TMEM8B: variants seen among roughly 807,000 people sequenced by gnomAD.
TMEM8B encodes nasopharyngeal carcinoma expressed 6.
A neutral mutation model predicts 49.3 loss-of-function variants in TMEM8B; 29 were observed. The ratio of observed to expected loss-of-function variants is 0.59; its 90% CI spans 0.44 to 0.80. The LOEUF (loss-of-function observed/expected upper bound fraction) is 0.80, where lower values mean the gene tolerates loss of function less well. Among genes scored for constraint, TMEM8B ranks in the 30% least tolerant of loss-of-function variants. The probability of loss-of-function intolerance (pLI) is 0.00; values close to 1 mark genes in which losing one functional copy is unlikely to be tolerated. For synonymous variants in TMEM8B, 264 were observed against 272.8 expected, an observed-to-expected ratio of 0.97 and a Z score of 0.32; for missense variants, 575 against 658.5, an observed-to-expected ratio of 0.87 and a Z score of 1.39.
rs562492263 is a variant in TMEM8B at position 35,853,516 on chromosome 9, C to T, written c.2451C>T (p.Ser817=). The change falls in exon 13 of 13, where the codon AGC becomes AGT. Residue 817 remains serine, a synonymous_variant. Coordinates refer to ENST00000643932, the MANE Select transcript of TMEM8B (RefSeq NM_001042590.4). The surrounding 1 kb of genome is among the most constrained non-coding windows in gnomAD (Gnocchi z 4.2). ...TCTGTCTCCCCCAGACAGTACGCAG[C>T]GTCCGCCGCCGGCACTGCTACCCAC... ...GILATAWTVR[S]VRRRHCYPPT... The T allele has an allele frequency of 1.1e-5, 18 of 1,612,366 alleles. No individual in the cohort carries two copies. The highest frequency in any genetic ancestry group is 3.3e-4 in the Middle Eastern group (2 of 6,044).
In TMEM8B at chr9:35,845,955, TCC is replaced by T; in HGVS notation, c.1636-19_1636-18del. 6.2e-7 allele frequency: 1 copy of T among 1,613,612 alleles called. No individual in the cohort carries two copies. Among genetic ancestry groups the T allele is most frequent in the Non-Finnish European group, 8.5e-7 (1 of 1,179,772 alleles). ...AGATGGAGGATGTGGCGGCCTCACT[TCC>T]ATACCTGCCCTCCCCAGAGCTCCGT... On this transcript the variant is annotated intron_variant, in intron 6 of 12. Coordinates refer to ENST00000643932, the MANE Select transcript of TMEM8B (RefSeq NM_001042590.4).
chr9:35,852,599 G>A (rs535834011), intron 10 of TMEM8B, among the ~76,000 whole-genome samples: 23 of 152,220 alleles, frequency 1.5e-4, no homozygotes, highest in African/African-American at 5.5e-4. Flanking sequence ...GAAGCTCAGG[G>A]TCAGGGTCAG....
rs779037893 is a variant in TMEM8B at position 35,853,002 on chromosome 9, A to G, written c.2322+29A>G. On this transcript the variant is annotated intron_variant, in intron 11 of 12. Coordinates refer to ENST00000643932, the MANE Select transcript of TMEM8B (RefSeq NM_001042590.4). The surrounding 1 kb of genome is among the most constrained non-coding windows in gnomAD (Gnocchi z 4.2). ...AGTCCAGAGTGGGCCCTGGGGAACA[A>G]CCATGGCCAAGTCTCCTTGAAATCC... The G allele has an allele frequency of 6.2e-7, 1 of 1,613,634 alleles. No individual in the cohort carries two copies. Among genetic ancestry groups the G allele is most frequent in the South Asian group, 1.1e-5 (1 of 91,072 alleles).
At chr9:35,843,771 C>T (rs1001564206) in intron 6 of TMEM8B, among the ~76,000 whole-genome samples, 7 of 151,208 alleles carry the variant, frequency 4.6e-5, no homozygotes, top group Non-Finnish European at 4.4e-5. Flanking sequence ...CTGTTTAACC[C>T]TTTTTTTTTG....
chr9:35,833,238 T>G, intron 1 of TMEM8B: 1 of 849,866 alleles, frequency 1.2e-6, no homozygotes, highest in Non-Finnish European at 1.4e-6. Context: ...CCTGAGGGTA[T>G]TTCCTGCTTG....
chr9:35,845,995 C>T lies in TMEM8B; in HGVS notation c.1656C>T (p.Asn552=), dbSNP rs753006312. The change falls in exon 7 of 13, where the codon AAC becomes AAT. Residue 552 remains asparagine, a synonymous_variant. Transcript: ENST00000643932. ...QLNASSVRQE[N]VTVFGCLTHE... ...CCCAGAGCTCCGTGCGCCAGGAAAA[C>T]GTGACGGTGTTTGGATGCTTGACTC... is the stretch of plus-strand genomic sequence containing the variant. 61 of 1,613,776 alleles carry T rather than the reference C, an allele frequency of 3.8e-5. No individual in the cohort carries two copies. The highest frequency in any genetic ancestry group is 4.8e-5 in the Non-Finnish European group (57 of 1,179,966).
chr9:35,843,546 A>G (rs142323405), intron 6 of TMEM8B, among the ~76,000 whole-genome samples: 1,905 of 152,268 alleles, frequency 0.013, 41 homozygotes, highest in African/African-American at 0.037. Context: ...CAAGACTTGC[A>G]TTTGTGCTGC....
At chr9:35,848,737 C>T (rs1170321344) in intron 10 of TMEM8B, among the ~76,000 whole-genome samples, 2 of 147,466 alleles carry the variant, frequency 1.4e-5, no homozygotes, top group Non-Finnish European at 3.0e-5. Flanking sequence ...TGCAGTGGCG[C>T]GATCTTAGCT....
intron 10 of TMEM8B, chr9:35,847,232 T>C (rs1170629483): frequency 7.9e-7 from 1 of 1,267,428 alleles, no homozygotes; most frequent in Non-Finnish European, 1.1e-6. Context: ...AGTTTGGGCC[T>C]CCAGCTGTTC....
At chr9:35,839,574 T>C (rs1830770703) in intron 3 of TMEM8B, among the ~76,000 whole-genome samples, 1 of 152,228 alleles carries the variant, frequency 6.6e-6, no homozygotes, top group African/African-American at 2.4e-5. Context: ...TGTCCACTGA[T>C]CTTTCATTGA....
At chr9:35,832,629 T>C (rs1266393768) in intron 1 of TMEM8B, among the ~76,000 whole-genome samples, 1 of 152,174 alleles carries the variant, frequency 6.6e-6, no homozygotes, top group East Asian at 1.9e-4. Flanking sequence ...CCACTAGCCC[T>C]CATCTGAGGG....
At chr9:35,843,725 C>G (rs58284264) in intron 6 of TMEM8B, among the ~76,000 whole-genome samples, 87 of 152,252 alleles carry the variant, frequency 5.7e-4, no homozygotes, top group African/African-American at 2.1e-3. Context: ...CACATAAAAA[C>G]TTTGGAAAAT....
Position 35,853,115 on chromosome 9 carries a change from C to A in TMEM8B, c.2323-26C>A. On this transcript the variant is annotated intron_variant, in intron 11 of 12. Coordinates refer to ENST00000643932, the MANE Select transcript of TMEM8B (RefSeq NM_001042590.4). This position sits in a 1 kb window ranked among gnomAD's most constrained non-coding sequence, Gnocchi z 4.2. ...AGTGCTGTCTGTCACCTGGCCCTAG[C>A]CCAGCCCTTGAGTCTCTTTCTCTAG... 1 of 1,610,838 alleles carries A rather than the reference C, an allele frequency of 6.2e-7. No individual in the cohort carries two copies. Among genetic ancestry groups the A allele is most frequent in the Non-Finnish European group, 8.5e-7 (1 of 1,177,056 alleles).
rs558250677 is a variant in TMEM8B, at chr9:35,841,029, C to T, written c.907-105C>T. The T allele has an allele frequency of 4.9e-5, 20 of 411,522 alleles. No individual in the cohort carries two copies. In the South Asian group the frequency reaches 1.4e-3, roughly 29 times the overall value. The allele number at this position is 411,522 out of a possible 1,614,324, so 25.5% of individuals were successfully genotyped here. A position where few individuals can be genotyped will look rare whatever the true frequency, so the allele number is the denominator to read the frequency against. On this transcript the variant is annotated intron_variant, in intron 3 of 12. Coordinates refer to ENST00000643932, the MANE Select transcript of TMEM8B (RefSeq NM_001042590.4). This position sits in a 1 kb window ranked among gnomAD's most constrained non-coding sequence, Gnocchi z 5.9. The stretch of plus-strand genomic sequence containing the variant: ...GGGTTAGAGGCCTGGGAGTGGTGGC[C>T]GGGGCGGGGGTTTCTCCCCAGCCCG...
Position 35,846,428 on chromosome 9 carries a change from G to A in TMEM8B, c.1854-41G>A, listed in dbSNP as rs750273846. 2.5e-6 allele frequency: 4 copies of A among 1,598,596 alleles called. No homozygotes were observed. In the Admixed American group the frequency reaches 5.1e-5, roughly 20 times the overall value. ...CAGGGCTGGGACCGGGACTTGGCGG[G>A]GGTGGCCCGGGGCCCCAGGTGACTG... On this transcript the variant is annotated intron_variant, in intron 8 of 12. Transcript: ENST00000643932.
intron 3 of TMEM8B, among the ~76,000 whole-genome samples, chr9:35,840,840 T>C (rs931644016): frequency 7.9e-5 from 12 of 151,956 alleles, no homozygotes; most frequent in African/African-American, 2.9e-4. Flanking sequence ...GGGGTTAGAT[T>C]GGGAGAAGGG....
chr9:35,830,472 G>T (rs557776724), intron 1 of TMEM8B, among the ~76,000 whole-genome samples: 2 of 152,346 alleles, frequency 1.3e-5, no homozygotes, highest in African/African-American at 4.8e-5. Flanking sequence ...TTCCAAAGAA[G>T]ATTGATTTGC....
rs185074225 is a variant in TMEM8B at position 35,839,541 on chromosome 9, G to A, written c.907-1593G>A. 3.3e-5 allele frequency among the ~76,000 whole-genome samples: 5 copies of A among 152,338 alleles called. No individual in the cohort carries two copies. The East Asian group carries it at 9.6e-4, about 29-fold the overall frequency. ...GCACGTTACACAGTTGAAGGAAGGA[G>A]CACGTCTTAACCAAACAGGTCATGT... On this transcript the variant is annotated intron_variant, in intron 3 of 12. Coordinates refer to ENST00000643932, the MANE Select transcript of TMEM8B (RefSeq NM_001042590.4).
Position 35,865,515 on chromosome 9 carries a change from A to G in TMEM8B, c.*11675A>G, listed in dbSNP as rs1044070096. ...AAGTTGCAAAGTTTCCTATGATGCT[A>G]TAATTTGTCTTCTGGAATTTTTTTA... On this transcript the variant is annotated 3_prime_UTR_variant, in exon 13 of 13. Coordinates refer to ENST00000643932, the MANE Select transcript of TMEM8B (RefSeq NM_001042590.4). 2.0e-5 allele frequency: 3 copies of G among 152,118 alleles called. No individual in the cohort carries two copies. Among genetic ancestry groups the G allele is most frequent in the African/African-American group, 7.2e-5 (3 of 41,460 alleles). 9.4% of individuals were successfully genotyped at this position (152,118 alleles called of 1,614,324 possible). A position where few individuals can be genotyped will look rare whatever the true frequency, so the allele number is the denominator to read the frequency against.
Sources: gnomAD v4.1 joint callset for allele counts (sites outside exome capture counted in the v4.1 genomes callset) on GRCh38, gnomAD v4.1.1 for gene constraint, Gnocchi (gnomAD v3.1) non-coding constraint, MANE v1.5 for transcripts, NCBI Gene and HGNC (gene_info 2026-07-23, HGNC 2026-07-21) for gene names.